APP: variants seen among roughly 807,000 people sequenced by gnomAD.
APP encodes amyloid-beta precursor protein.
In APP, 31 loss-of-function variants were observed where a neutral mutation model predicts 101.4. That is an observed-to-expected ratio of 0.31 (90% CI 0.23 to 0.41). APP has a LOEUF of 0.41. Among genes scored for constraint, APP ranks in the 10% least tolerant of loss-of-function variants. The pLI, the probability that APP is intolerant of heterozygous loss-of-function variation, is 1.00. For missense variants in APP, 839 were observed against 1,003.7 expected, an observed-to-expected ratio of 0.84 and a Z score of 2.22; for synonymous variants, 366 against 364.4, an observed-to-expected ratio of 1.00 and a Z score of -0.05.
intron 3 of APP, among the ~76,000 whole-genome samples, chr21:26,067,378 G>A (rs528450864): frequency 1.3e-5 from 2 of 152,290 alleles, no homozygotes; most frequent in South Asian, 2.1e-4. Context: ...AGTGGCCACC[G>A]TTGGGCAAGA....
chr21:26,032,944 TAAC>T (rs1451003825), intron 5 of APP, among the ~76,000 whole-genome samples: 1 of 152,094 alleles, frequency 6.6e-6, no homozygotes, highest in African/African-American at 2.4e-5. Context: ...AAGTGCATAT[TAAC>T]AATAATGGGC....
intron 15 of APP, among the ~76,000 whole-genome samples, chr21:25,901,883 G>A (rs2038514821): frequency 6.6e-6 from 1 of 152,166 alleles, no homozygotes. Flanking sequence ...GGGTGGTGAT[G>A]AATTGTAACA....
intron 1 of APP, among the ~76,000 whole-genome samples, chr21:26,127,225 A>G (rs990069846): frequency 1.3e-5 from 2 of 151,888 alleles, no homozygotes; most frequent in Admixed American, 6.6e-5. Flanking sequence ...GGTGGTAACT[A>G]TTTCTGGGCA....
At chr21:26,014,362 C>A (rs1168637099) in intron 6 of APP, among the ~76,000 whole-genome samples, 1 of 152,206 alleles carries the variant, frequency 6.6e-6, no homozygotes, top group Non-Finnish European at 1.5e-5. Flanking sequence ...TTAAGCTAAG[C>A]TTTGTTTCTT....
intron 1 of APP, among the ~76,000 whole-genome samples, chr21:26,134,490 C>T (rs1601543605): frequency 6.6e-6 from 1 of 152,276 alleles, no homozygotes; most frequent in African/African-American, 2.4e-5. Flanking sequence ...TTACAAAGGA[C>T]ACACAGATGA....
chr21:26,012,624 C>T (rs1417719137), intron 6 of APP, among the ~76,000 whole-genome samples: 1 of 152,222 alleles, frequency 6.6e-6, no homozygotes, highest in African/African-American at 2.4e-5. Flanking sequence ...AAATCCACAG[C>T]TTTGTAACCT....
intron 17 of APP, among the ~76,000 whole-genome samples, chr21:25,887,540 A>AAAAAAAAAAAAAAAAAC (rs367900945): frequency 7.2e-6 from 1 of 139,272 alleles, no homozygotes; most frequent in Non-Finnish European, 1.6e-5. Context: ...AAAAAAAAAA[A>AAAAAAAAAAAAAAAAAC]CAACAACTAG....
chr21:25,987,161 C>A (rs1263615221), intron 8 of APP, among the ~76,000 whole-genome samples: 2 of 152,142 alleles, frequency 1.3e-5, no homozygotes, highest in Admixed American at 1.3e-4. Context: ...TGTTCCTGCC[C>A]CAAACACTAT....
intron 3 of APP, among the ~76,000 whole-genome samples, chr21:26,058,945 G>A (rs1288371648): frequency 3.9e-5 from 6 of 151,908 alleles, no homozygotes; most frequent in African/African-American, 1.2e-4. Context: ...GCCGGGCGTG[G>A]TAGCGGGCGC....
chr21:25,969,688 A>T (rs1317287212), intron 11 of APP, among the ~76,000 whole-genome samples: 1 of 151,580 alleles, frequency 6.6e-6, no homozygotes, highest in Admixed American at 6.6e-5. Context: ...AAAATTTTTT[A>T]AAAATTAGCC....
intron 9 of APP, among the ~76,000 whole-genome samples, chr21:25,978,444 G>A (rs1037346558): frequency 6.6e-6 from 1 of 152,066 alleles, no homozygotes; most frequent in African/African-American, 2.4e-5. Flanking sequence ...CCCATTTTAC[G>A]AACCAGGTTA....
chr21:26,102,745 T>C (rs2146170239), intron 2 of APP, among the ~76,000 whole-genome samples: 1 of 151,616 alleles, frequency 6.6e-6, no homozygotes, highest in Admixed American at 6.6e-5. Flanking sequence ...ACAAAAATTA[T>C]CTGAGAATGG....
intron 15 of APP, among the ~76,000 whole-genome samples, chr21:25,900,560 C>T (rs2038390427): frequency 6.7e-6 from 1 of 149,100 alleles, no homozygotes; most frequent in Non-Finnish European, 1.5e-5. Flanking sequence ...ACTCTGTCTC[C>T]AAAAATAAAT....
intron 5 of APP, among the ~76,000 whole-genome samples, chr21:26,040,785 C>A (rs990535261): frequency 3.3e-5 from 5 of 151,732 alleles, no homozygotes; most frequent in African/African-American, 1.2e-4. Flanking sequence ...AACAAACAAA[C>A]AAACAGTACA....
intron 2 of APP, among the ~76,000 whole-genome samples, chr21:26,098,447 T>C (rs1427116470): frequency 6.6e-6 from 1 of 152,044 alleles, no homozygotes; most frequent in East Asian, 1.9e-4. Flanking sequence ...GAAATGTATA[T>C]ATTAAAAAAA....
At chr21:25,931,266 C>A (rs969976652) in intron 13 of APP, among the ~76,000 whole-genome samples, 1 of 152,166 alleles carries the variant, frequency 6.6e-6, no homozygotes, top group South Asian at 2.1e-4. Flanking sequence ...GGAAAGAGAT[C>A]ATTGTCCTAG....
At chr21:26,125,256 C>CG (rs1428653363) in intron 1 of APP, among the ~76,000 whole-genome samples, 1 of 152,038 alleles carries the variant, frequency 6.6e-6, no homozygotes, top group African/African-American at 2.4e-5. Flanking sequence ...GAGGAGGATG[C>CG]GGGGGCCCCA....
At chr21:25,899,783 C>T (rs116587910) in intron 15 of APP, among the ~76,000 whole-genome samples, 1 of 152,276 alleles carries the variant, frequency 6.6e-6, no homozygotes, top group East Asian at 1.9e-4. Context: ...TAAATTCTCG[C>T]GTTATTTGCT....
chr21:26,170,124 A>C (rs1021275898), intron 1 of APP, among the ~76,000 whole-genome samples: 1 of 152,200 alleles, frequency 6.6e-6, no homozygotes, highest in Admixed American at 6.5e-5. Flanking sequence ...CCCAGGGCCC[A>C]AGAGAAAGGA....
Sources: gnomAD v4.1 joint callset for allele counts (sites outside exome capture counted in the v4.1 genomes callset) on GRCh38, gnomAD v4.1.1 for gene constraint, MANE v1.5 for transcripts, NCBI Gene and HGNC (gene_info 2026-07-23, HGNC 2026-07-21) for gene names.